Variants in UVRAG observed in about 807,000 individuals in gnomAD.
UVRAG encodes the protein UV radiation resistance-associated gene protein.
A neutral mutation model predicts 78.0 loss-of-function variants in UVRAG; 19 were observed. The ratio of observed to expected loss-of-function variants is 0.24; its 90% confidence interval spans 0.17 to 0.36. The LOEUF (loss-of-function observed/expected upper bound fraction) is 0.36. UVRAG is among the 10% of genes least tolerant of loss of function. The probability of loss-of-function intolerance (pLI) is 1.00; values close to 1 mark genes in which losing one functional copy is unlikely to be tolerated. For missense variants in UVRAG, 740 were observed against 853.8 expected, an observed-to-expected ratio of 0.87 and a Z score of 1.66; for synonymous variants, 323 against 324.6, an observed-to-expected ratio of 1.00 and a Z score of 0.05.
chr11:75,958,868 T>A (rs1206720135), intron 6 of UVRAG, among the ~76,000 whole-genome samples: 1 of 152,224 alleles, frequency 6.6e-6, no homozygotes, highest in Non-Finnish European at 1.5e-5. Flanking sequence ...GGCTACAGAA[T>A]GGATAATGTG....
chr11:75,872,159 G>C, intron 3 of UVRAG, among the ~76,000 whole-genome samples: 1 of 152,044 alleles, frequency 6.6e-6, no homozygotes, highest in Non-Finnish European at 1.5e-5. Flanking sequence ...ATTACCATTT[G>C]AGTTTTTCAT....
intron 3 of UVRAG, among the ~76,000 whole-genome samples, chr11:75,876,291 T>G (rs767649824): frequency 2.6e-5 from 4 of 152,188 alleles, no homozygotes; most frequent in Non-Finnish European, 4.4e-5. Context: ...GGCCATATAG[T>G]CTTTTATATT....
At chr11:75,983,245 TTAAG>T (rs1451157938) in intron 7 of UVRAG, 138 bp from the exon 8 acceptor site, 11 of 687,690 alleles carry the variant, frequency 1.6e-5, no homozygotes, top group Admixed American at 3.4e-5. Flanking sequence ...GTGCTGGTAA[TTAAG>T]TTACTCAAGA....
chr11:75,865,593 G>A (rs1946520232), intron 3 of UVRAG, among the ~76,000 whole-genome samples: 1 of 151,738 alleles, frequency 6.6e-6, no homozygotes, highest in South Asian at 2.1e-4. Flanking sequence ...AGACAGCACA[G>A]TTCTAGATGC....
At chr11:75,846,694 T>A (rs539786611) in intron 1 of UVRAG, among the ~76,000 whole-genome samples, 1 of 152,286 alleles carries the variant, frequency 6.6e-6, no homozygotes, top group Admixed American at 6.5e-5. Context: ...CAAAGAATAG[T>A]TGACTGTATT....
intron 8 of UVRAG, among the ~76,000 whole-genome samples, chr11:76,000,604 G>A (rs1321820716): frequency 6.7e-6 from 1 of 149,906 alleles, no homozygotes; most frequent in African/African-American, 2.5e-5. Context: ...AACAGAGTGA[G>A]ACCCTGTTTC....
intron 14 of UVRAG, among the ~76,000 whole-genome samples, chr11:76,134,581 C>T (rs928233492): frequency 1.3e-5 from 2 of 152,050 alleles, no homozygotes; most frequent in African/African-American, 4.8e-5. Context: ...GATTCCAGTC[C>T]TTCTTCTACC....
intron 6 of UVRAG, among the ~76,000 whole-genome samples, chr11:75,957,128 G>T (rs1948814686): frequency 6.6e-6 from 1 of 151,588 alleles, no homozygotes; most frequent in African/African-American, 2.4e-5. Context: ...CTTCTCTAGT[G>T]AATATTTGTC....
chr11:75,819,237 C>G (rs183011692), intron 1 of UVRAG, among the ~76,000 whole-genome samples: 141 of 152,348 alleles, frequency 9.3e-4, no homozygotes, highest in African/African-American at 3.0e-3. Context: ...AGCCCCTTGA[C>G]TGTGTCAGAT....
intron 8 of UVRAG, 165 bp downstream of exon 8, chr11:75,983,678 G>A (rs1949438065): frequency 2.1e-6 from 2 of 974,798 alleles, no homozygotes; most frequent in Non-Finnish European, 2.8e-6. Flanking sequence ...TCCTTGCTGA[G>A]CTGCCATCAT....
At chr11:76,108,235 C>T (rs1947256522) in intron 13 of UVRAG, among the ~76,000 whole-genome samples, 1 of 152,076 alleles carries the variant, frequency 6.6e-6, no homozygotes, top group African/African-American at 2.4e-5. Flanking sequence ...TGTGCCAAAA[C>T]CGAAATGACA....
Position 75,908,154 on chromosome 11 carries a change from CAT to C in UVRAG, c.508-3797_508-3796del, listed in dbSNP as rs568379533. Among the ~76,000 whole-genome samples, 17 of 152,282 alleles carry C rather than the reference CAT, an allele frequency of 1.1e-4. No homozygotes were observed. In the East Asian group the frequency reaches 2.9e-3, roughly 26 times the overall value. ...ATGATTTTGACTACTCTAGGTACCT[CAT>C]ATGAATGAATGAATGAATGTTTTTC... On this transcript the variant is annotated intron_variant, in intron 5 of 14. Coordinates refer to ENST00000356136, the MANE Select transcript of UVRAG (RefSeq NM_003369.4).
chr11:75,909,999 A>G (rs1947699926), intron 5 of UVRAG, among the ~76,000 whole-genome samples: 1 of 152,192 alleles, frequency 6.6e-6, no homozygotes, highest in African/African-American at 2.4e-5. Context: ...GATGAAATTC[A>G]TCAGTAAGAC....
intron 3 of UVRAG, among the ~76,000 whole-genome samples, chr11:75,875,989 C>T (rs563409496): frequency 2.6e-5 from 4 of 152,116 alleles, no homozygotes; most frequent in Admixed American, 1.3e-4. Flanking sequence ...GTGTGGGCAA[C>T]ATGGTGAGAC....
chr11:75,822,294 A>G (rs922741918), intron 1 of UVRAG, among the ~76,000 whole-genome samples: 3 of 152,166 alleles, frequency 2.0e-5, no homozygotes, highest in Admixed American at 1.3e-4. Flanking sequence ...GTGGTAGCAT[A>G]TGATAGGAAA....
At chr11:76,109,066 G>T (rs1351462684) in intron 13 of UVRAG, among the ~76,000 whole-genome samples, 1 of 151,606 alleles carries the variant, frequency 6.6e-6, no homozygotes, top group African/African-American at 2.4e-5. Flanking sequence ...TGTTACAAAA[G>T]GTGTTTATTT....
rs180996379 is a variant in UVRAG at position 75,866,833 on chromosome 11, G to T, written c.270+5053G>T. ...TAAGTTTCTGGCTGTAAGACTCACT[G>T]TTATTTTACATTTACAAAAAATAGT... On this transcript the variant is annotated intron_variant, in intron 3 of 14. Transcript: ENST00000356136. Among the ~76,000 whole-genome samples, 13 of 152,238 alleles carry T rather than the reference G, an allele frequency of 8.5e-5. No individual in the cohort carries two copies. In the East Asian group the frequency reaches 2.3e-3, roughly 27 times the overall value.
intron 13 of UVRAG, among the ~76,000 whole-genome samples, chr11:76,104,892 A>G (rs555690827): frequency 6.6e-6 from 1 of 152,242 alleles, no homozygotes; most frequent in East Asian, 1.9e-4. Flanking sequence ...ATTTATTTGA[A>G]TTTTTATAAA....
At chr11:76,098,476 C>T (rs1951825088) in intron 13 of UVRAG, among the ~76,000 whole-genome samples, 1 of 152,140 alleles carries the variant, frequency 6.6e-6, no homozygotes, top group Non-Finnish European at 1.5e-5. Context: ...TGTTCCTTCT[C>T]CTGTACCATC....
Sources: allele counts gnomAD v4.1 joint callset (sites outside exome capture counted in the v4.1 genomes callset), GRCh38; gene constraint gnomAD v4.1.1; transcripts MANE v1.5; gene names NCBI Gene and HGNC (gene_info 2026-07-23, HGNC 2026-07-21).